PAK6: variants seen among roughly 807,000 people sequenced by gnomAD.
PAK6 encodes serine/threonine-protein kinase PAK 6.
In PAK6, 33 loss-of-function variants were observed where a neutral mutation model predicts 60.8. The observed-to-expected ratio is 0.54, with a 90% CI of 0.41 to 0.73. The LOEUF is 0.73. Among genes scored for constraint, PAK6 ranks in the 30% least tolerant of loss-of-function variants. PAK6 has a pLI of 0.00. For synonymous variants in PAK6, 404 were observed against 378.5 expected (o/e 1.07, Z -0.78); for missense variants, 845 against 904.1 (o/e 0.93, Z 0.84).
chr15:40,259,869 A>G lies in PAK6; in HGVS notation c.-5-4912A>G, dbSNP rs115531816. 1.1e-3 allele frequency: 173 copies of G among 151,932 alleles called. 1 individual carries two copies. The highest frequency in any genetic ancestry group is 3.9e-3 in the African/African-American group (163 of 41,458). 9.4% of individuals were successfully genotyped at this position (151,932 alleles called of 1,614,324 possible). On this transcript the variant is annotated intron_variant, in intron 3 of 10. Transcript: ENST00000560346. ...TAAGGAAAACTTAGAAAAAGAGTAG[A>G]AAGATAGAATAGAAGGAGATCACCT...
rs200940821 is a variant in PAK6 at position 40,252,367 on chromosome 15, G to A, written c.-117-811G>A. The A allele has an allele frequency of 7.9e-4, 1,040 of 1,311,510 alleles. 3 individuals are homozygous for A. Among genetic ancestry groups the A allele is most frequent in the Non-Finnish European group, 1.0e-3 (999 of 1,000,062 alleles). The allele number at this position is 1,311,510 out of a possible 1,614,324, so 81.2% of individuals were successfully genotyped here. A position where few individuals can be genotyped will look rare whatever the true frequency, so the allele number is the denominator to read the frequency against. On this transcript the variant is annotated intron_variant, in intron 2 of 10. Coordinates refer to ENST00000560346, the Ensembl canonical transcript of PAK6. ...GGCAGGTCCCCGCGGCTGTGGCCAG[G>A]CCAGGGCCCGGAGGCGAAGGGCGGG...
chr15:40,244,091 G>A (rs1010680623), intron 2 of PAK6, among the ~76,000 whole-genome samples: 3 of 152,146 alleles, frequency 2.0e-5, no homozygotes, highest in Non-Finnish European at 2.9e-5. Flanking sequence ...CAGCACTTTG[G>A]GAGGCTGAGG....
chr15:40,252,517 C>T (rs745846311), intron 2 of PAK6: 1 of 1,363,314 alleles, frequency 7.3e-7, no homozygotes, highest in South Asian at 1.1e-5. Flanking sequence ...GGTTCGCCGC[C>T]GCGTCCTACC....
chr15:40,242,165 C>T (rs973318397), intron 2 of PAK6, among the ~76,000 whole-genome samples: 1 of 152,096 alleles, frequency 6.6e-6, no homozygotes, highest in Non-Finnish European at 1.5e-5. Context: ...GCCTGGGGTC[C>T]TGAGGGCTCA....
intron 2 of PAK6, among the ~76,000 whole-genome samples, chr15:40,248,251 G>T (rs930382106): frequency 1.3e-5 from 2 of 152,196 alleles, no homozygotes; most frequent in African/African-American, 4.8e-5. Flanking sequence ...AGGTTCAGAG[G>T]TTTGCACCTC....
intron 2 of PAK6, chr15:40,246,884 G>A (rs957720291): frequency 2.0e-5 from 3 of 152,338 alleles, no homozygotes; most frequent in African/African-American, 7.2e-5. Flanking sequence ...AGGCCAGCTA[G>A]TTAGTGTTCC....
chr15:40,248,474 C>T (rs543725012), intron 2 of PAK6, among the ~76,000 whole-genome samples: 16 of 152,328 alleles, frequency 1.1e-4, no homozygotes, highest in East Asian at 7.7e-4. Flanking sequence ...ATCCAGCACA[C>T]GTGCCCCCAC....
chr15:40,272,539 G>A (rs747631902), exon 6 of PAK6: 1 of 1,613,624 alleles, frequency 6.2e-7, no homozygotes, highest in African/African-American at 1.3e-5. Context: ...GCAGTTCAAG[G>A]CTGCGCTCAG....
intron 5 of PAK6, 57 bp downstream of exon 5, chr15:40,266,552 G>A (rs1340983978): frequency 3.4e-6 from 5 of 1,452,432 alleles, no homozygotes; most frequent in Non-Finnish European, 4.6e-6. Context: ...AGGGACACAG[G>A]CCTTGCCTAG....
At chr15:40,255,737 G>T (rs2038816072) in intron 3 of PAK6, among the ~76,000 whole-genome samples, 1 of 152,208 alleles carries the variant, frequency 6.6e-6, no homozygotes, top group Non-Finnish European at 1.5e-5. Flanking sequence ...TCCACACAAG[G>T]ATCAGCGAGG....
intron 3 of PAK6, among the ~76,000 whole-genome samples, chr15:40,263,626 G>GT (rs2039040173): frequency 6.6e-6 from 1 of 152,080 alleles, no homozygotes; most frequent in Non-Finnish European, 1.5e-5. Context: ...TTTATTGTTT[G>GT]TTTTTTGAGA....
At chr15:40,270,372 G>A (rs2039267382) in intron 5 of PAK6, among the ~76,000 whole-genome samples, 1 of 152,210 alleles carries the variant, frequency 6.6e-6, no homozygotes, top group Admixed American at 6.5e-5. Context: ...AGGACCCAGG[G>A]ACCTTGTTCA....
intron 3 of PAK6, among the ~76,000 whole-genome samples, chr15:40,254,372 C>T (rs2038778985): frequency 6.6e-6 from 1 of 152,118 alleles, no homozygotes. Context: ...TAGAGCAAAG[C>T]AATAGGAATA....
intron 5 of PAK6, among the ~76,000 whole-genome samples, chr15:40,271,401 C>A (rs1042795702): frequency 6.6e-6 from 1 of 152,162 alleles, no homozygotes; most frequent in Admixed American, 6.5e-5. Flanking sequence ...AGGCCCCCTA[C>A]CTTCTCCTCC....
exon 9 of PAK6, chr15:40,273,631 C>T (rs771799915): frequency 1.5e-5 from 25 of 1,613,996 alleles, no homozygotes; most frequent in Non-Finnish European, 5.1e-6. Context: ...GAACCCCCTA[C>T]TGGATGGCTC....
rs1595590343 is a variant in PAK6, at chr15:40,264,693, G to A, written c.-5-88G>A. ...TCTAGGGGAGCTGTGCTGGGGGAGG[G>A]GAGGGAGCCCTGAACCTGGTGCCCC... On this transcript the variant is annotated intron_variant, in intron 3 of 10. Transcript: ENST00000560346. 1.1e-5 allele frequency: 12 copies of A among 1,084,724 alleles called. No homozygotes were observed. In the East Asian group the frequency reaches 2.8e-4, roughly 26 times the overall value. 67.2% of individuals were successfully genotyped at this position (1,084,724 alleles called of 1,614,324 possible).
chr15:40,244,001 G>A (rs2038428472), intron 2 of PAK6, among the ~76,000 whole-genome samples: 1 of 152,208 alleles, frequency 6.6e-6, no homozygotes, highest in Non-Finnish European at 1.5e-5. Flanking sequence ...GGCCACGGCA[G>A]GCTCCTGGAT....
At chr15:40,246,204 T>C (rs1271986997) in intron 2 of PAK6, 1 of 152,246 alleles carries the variant, frequency 6.6e-6, no homozygotes, top group Non-Finnish European at 1.5e-5. Context: ...GTGCCAGAGA[T>C]GAAACGGAGA....
At chr15:40,258,016 CT>C (rs1480427485) in intron 3 of PAK6, among the ~76,000 whole-genome samples, 1 of 152,222 alleles carries the variant, frequency 6.6e-6, no homozygotes, top group Non-Finnish European at 1.5e-5. Flanking sequence ...GAACACACGC[CT>C]GCTGTTTCTG....
Sources: gnomAD v4.1 joint callset for allele counts (sites outside exome capture counted in the v4.1 genomes callset) on GRCh38, gnomAD v4.1.1 for gene constraint, MANE v1.5 for transcripts, NCBI Gene and HGNC (gene_info 2026-07-23, HGNC 2026-07-21) for gene names.